The following CLK1 variants were observed in gnomAD, a reference collection of about 807,000 sequenced individuals.
CLK1 encodes CDC like kinase 1, also known as dual specificity protein kinase CLK1.
Under a neutral mutation model 60.9 loss-of-function variants are expected in CLK1, and 40 were observed. The observed-to-expected ratio is 0.66, with a 90% confidence interval of 0.51 to 0.86. CLK1 has a LOEUF of 0.86. Ranked by LOEUF, CLK1 falls within the 40% of genes least tolerant of loss-of-function variation. The probability of loss-of-function intolerance (pLI) is 0.00; values close to 1 mark genes in which losing one functional copy is unlikely to be tolerated. For synonymous variants in CLK1, 203 were observed against 184.4 expected (o/e 1.10, Z -0.82); for missense variants, 563 against 606.1 (o/e 0.93, Z 0.75).
chr2:200,864,202 A>T, intron 1 of CLK1: 1 of 1,550,172 alleles, frequency 6.5e-7, no homozygotes, highest in Non-Finnish European at 8.7e-7. Flanking sequence ...CACAGGGCCG[A>T]AGCCGGCCTC....
intron 3 of CLK1, chr2:200,860,495 A>T (rs1264286747): frequency 2.1e-5 from 7 of 328,396 alleles, no homozygotes; most frequent in Admixed American, 7.1e-5. Context: ...TGTTTTTCTT[A>T]AAAAAAAAAA....
At position 200,861,791 on chromosome 2, in the gene CLK1, G is replaced by A; in HGVS notation, c.72C>T (p.Ser24=). 6.2e-7 allele frequency: 1 copy of A among 1,613,894 alleles called. No homozygotes were observed. Among genetic ancestry groups the A allele is most frequent in the Non-Finnish European group, 8.5e-7 (1 of 1,179,856 alleles). ...DKDWDYGKWR[S]SSSHKRRKRS... The stretch of plus-strand genomic sequence containing the variant: ...TCTTCCTTCTTTTATGACTGCTGCT[G>A]CTCCTCCATTTTCCATAATCCCAAT... Residue 24 remains serine, a synonymous_variant, in exon 2 of 13, where the codon AGC becomes AGT. Coordinates refer to ENST00000321356, the MANE Select transcript of CLK1 (RefSeq NM_004071.4).
chr2:200,853,100 T>C lies in CLK1; in HGVS notation c.*206A>G, dbSNP rs1277261697. The stretch of plus-strand genomic sequence containing the variant: ...ATCAACTTCATAAGCACAAAAAATT[T>C]ATTCTGAATAAATCACTTTACAATT... On this transcript the variant is annotated 3_prime_UTR_variant, in exon 13 of 13. Coordinates refer to ENST00000321356, the MANE Select transcript of CLK1 (RefSeq NM_004071.4). 1 of 405,340 alleles carries C rather than the reference T, an allele frequency of 2.5e-6. No homozygotes were observed. The highest frequency in any genetic ancestry group is 4.3e-6 in the Non-Finnish European group (1 of 230,666). The allele number at this position is 405,340 out of a possible 1,614,324, so 25.1% of individuals were successfully genotyped here.
In CLK1 at chr2:200,859,726, C is replaced by G; in HGVS notation, c.502G>C (p.Gly168Arg). The G allele has an allele frequency of 6.2e-7, 1 of 1,613,408 alleles. No homozygotes were observed. Residue 168 changes from glycine (G) to arginine (R), a missense_variant, in exon 5 of 13, where the codon GGT (glycine) becomes CGT (arginine). Around this residue, in one of 3 missense-constraint regions of CLK1, gnomAD observed 360 missense variants for 407.0 expected, o/e 0.88. Coordinates refer to ENST00000321356, the MANE Select transcript of CLK1 (RefSeq NM_004071.4). ...ACAACTTTTCCAAAAGCTCCTTCAC[C>G]TAAAGTATCAACAATTTCATCTAAA... The part of the protein sequence containing the change: ...SARYEIVDTL[G>R]EGAFGKVVEC...
intron 1 of CLK1, among the ~76,000 whole-genome samples, chr2:200,862,840 G>A (rs1340978379): frequency 1.3e-5 from 2 of 152,154 alleles, no homozygotes; most frequent in African/African-American, 2.4e-5. Flanking sequence ...TTCCGTAAAC[G>A]GACAAATGAA....
rs571137652 is a variant in CLK1 at position 200,863,046 on chromosome 2, T to C, written c.1-1184A>G. Reference sequence around the variant, plus strand: ...TGCTTCGAGCAAAATCGAAAATCTCTAACCTAACAACTTGAAAAAGACATT... The same window carrying C: ...TGCTTCGAGCAAAATCGAAAATCTCCAACCTAACAACTTGAAAAAGACATT... On this transcript the variant is annotated intron_variant, in intron 1 of 12. Coordinates refer to ENST00000321356, the MANE Select transcript of CLK1 (RefSeq NM_004071.4). The C allele has an allele frequency of 4.6e-5, 7 of 152,366 alleles. No individual in the cohort carries two copies. In the South Asian group the frequency reaches 6.2e-4, roughly 14 times the overall value. 9.4% of individuals were successfully genotyped at this position (152,366 alleles called of 1,614,324 possible).
intron 4 of CLK1, 97 bp from the exon 5 acceptor site, chr2:200,859,843 A>G: frequency 6.5e-7 from 1 of 1,536,758 alleles, no homozygotes; most frequent in East Asian, 2.3e-5. Context: ...AGTTGATGCT[A>G]CAAATTTCCT....
chr2:200,853,679 G>GGAAA (rs1171654137), intron 12 of CLK1, among the ~76,000 whole-genome samples: 3 of 49,128 alleles, frequency 6.1e-5, no homozygotes, highest in African/African-American at 2.7e-4. Flanking sequence ...GTCTTTACTT[G>GGAAA]AAAAAAAAAA....
At chr2:200,860,430 A>G in intron 3 of CLK1, 1 of 1,276,878 alleles carries the variant, frequency 7.8e-7, no homozygotes, top group Non-Finnish European at 9.9e-7. Flanking sequence ...CATGGCAAGG[A>G]ACAGATTTTC....
At chr2:200,856,143 G>C (rs371208184) in intron 9 of CLK1, among the ~76,000 whole-genome samples, 4 of 149,372 alleles carry the variant, frequency 2.7e-5, no homozygotes, top group African/African-American at 9.8e-5. Context: ...CGCAATCTTG[G>C]CTCACTGCAA....
intron 5 of CLK1, among the ~76,000 whole-genome samples, chr2:200,858,817 ACAAC>A (rs1316449017): frequency 6.7e-6 from 1 of 148,622 alleles, no homozygotes; most frequent in African/African-American, 2.5e-5. Context: ...AACAACAACA[ACAAC>A]AACAACAACA....
At chr2:200,861,019 A>G in intron 3 of CLK1, 1 of 1,341,662 alleles carries the variant, frequency 7.5e-7, no homozygotes, top group South Asian at 2.1e-5. Context: ...TTTCACTGGA[A>G]TGTCAATTAG....
intron 1 of CLK1, chr2:200,864,241 G>C: frequency 6.5e-7 from 1 of 1,539,716 alleles, no homozygotes; most frequent in East Asian, 2.5e-5. Context: ...CAGCTCCGCC[G>C]AGGCGGTTCA....
intron 3 of CLK1, 41 bp downstream of exon 3, chr2:200,861,197 T>C (rs1161006294): frequency 1.3e-6 from 2 of 1,597,056 alleles, no homozygotes; most frequent in Admixed American, 1.7e-5. Flanking sequence ...CTGTTCCACA[T>C]GGGATATAAA....
chr2:200,859,606 A>G, intron 5 of CLK1, 74 bp downstream of exon 5: 1 of 1,226,320 alleles, frequency 8.2e-7, no homozygotes, highest in Admixed American at 1.9e-5. Flanking sequence ...TCATGGTCAG[A>G]CCACTTTCTA....
chr2:200,861,500 G>C, intron 2 of CLK1, 34 bp from the exon 3 acceptor site: 1 of 1,605,560 alleles, frequency 6.2e-7, no homozygotes, highest in South Asian at 1.1e-5. Flanking sequence ...AATGTTTTAT[G>C]CTAAGACCAA....
At chr2:200,859,288 A>T (rs941174089) in intron 5 of CLK1, among the ~76,000 whole-genome samples, 1 of 152,208 alleles carries the variant, frequency 6.6e-6, no homozygotes, top group Non-Finnish European at 1.5e-5. Flanking sequence ...AGCACTTCCT[A>T]AAAATATAGA....
At position 200,853,311 on chromosome 2, in the gene CLK1, T is replaced by A. The variant is rs1429818746; in HGVS notation, c.1450A>T (p.Ile484Leu). Residue 484 changes from isoleucine (I) to leucine (L), a missense_variant, in exon 13 of 13, where the codon ATA becomes TTA. By Grantham distance (5) the Ile-to-Leu change is conservative. Transcript: ENST00000321356. ...HPFFDLLKKS[I>L] ...AGAGCTGTCCAATTACAGATCTATA[T>A]ACTTTTCTTCAGAAGGTCAAAGAAA... The A allele has an allele frequency of 1.2e-6, 2 of 1,609,710 alleles. No homozygotes were observed. The highest frequency in any genetic ancestry group is 2.2e-5 in the South Asian group (2 of 90,322).
At chr2:200,864,353 A>C (rs906785354) in intron 1 of CLK1, 1 of 1,242,614 alleles carries the variant, frequency 8.0e-7, no homozygotes, top group Non-Finnish European at 1.1e-6. Context: ...CACCGTAACT[A>C]CCCCCGCAGG....
Sources: allele counts gnomAD v4.1 joint callset (sites outside exome capture counted in the v4.1 genomes callset), GRCh38; gene constraint gnomAD v4.1.1; regional missense constraint gnomAD v4.1.1; transcripts MANE v1.5; gene names NCBI Gene and HGNC (gene_info 2026-07-23, HGNC 2026-07-21).